Variants in FBLN1 observed in about 807,000 individuals in gnomAD.
The protein encoded by FBLN1 is fibulin-1.
Under a neutral mutation model 89.7 loss-of-function variants are expected in FBLN1, and 34 were observed. The ratio of observed to expected loss-of-function variants is 0.38; its 90% CI spans 0.29 to 0.50. The LOEUF (loss-of-function observed/expected upper bound fraction) is 0.50, where lower values mean the gene tolerates loss of function less well. FBLN1 is among the 20% of genes least tolerant of loss of function. The pLI, the probability that FBLN1 is intolerant of heterozygous loss-of-function variation, is 0.92. For synonymous variants in FBLN1, 393 were observed against 391.3 expected (o/e 1.00, Z -0.05); for missense variants, 777 against 988.1 (o/e 0.79, Z 2.86).
chr22:45,519,356 C>A (rs2283659), intron 2 of FBLN1, among the ~76,000 whole-genome samples: 20,211 of 152,044 alleles, frequency 0.13, 1,647 homozygotes, highest in East Asian at 0.43. Context: ...CGCGGTGGCT[C>A]ACGCCTGTAA....
chr22:45,587,089 G>A (rs1369824287), intron 16 of FBLN1, among the ~76,000 whole-genome samples: 1 of 152,130 alleles, frequency 6.6e-6, no homozygotes, highest in African/African-American at 2.4e-5. Flanking sequence ...TGAGGTTCAC[G>A]AGCACGTCAC....
rs140981949 is a variant in FBLN1, at chr22:45,533,814, A to C, written c.700A>C (p.Ile234Leu). The change falls in exon 7 of 17, where the codon ATC becomes CTC. Residue 234 changes from isoleucine to leucine, a missense_variant. Ile to Leu is a conservative substitution (Grantham distance 5, BLOSUM62 2). Coordinates refer to ENST00000327858, the MANE Select transcript of FBLN1 (RefSeq NM_006486.3). ...CAGCTGCCGGCTTGGAGAATCCTGC[A>C]TCAACACAGTGGGCTCTTTCCGCTG... ...SHSCRLGESC[I>L]NTVGSFRCQR... 40 of 1,613,956 alleles carry C rather than the reference A, an allele frequency of 2.5e-5. No homozygotes were observed. In the African/African-American group the frequency reaches 4.8e-4, roughly 19 times the overall value.
chr22:45,518,347 T>C (rs2088199010), intron 1 of FBLN1, among the ~76,000 whole-genome samples: 1 of 152,026 alleles, frequency 6.6e-6, no homozygotes. Flanking sequence ...GCAGGGACCC[T>C]GTCTGGACAG....
rs774159876 is a variant in FBLN1 at position 45,547,061 on chromosome 22, G to A, written c.1322-24G>A. Reference sequence around the variant, plus strand: ...GGCAGGGACGTATGATGCTCTGAGCGGTGACCCTCGTTTTGTATTTCAGAC... The same window carrying A: ...GGCAGGGACGTATGATGCTCTGAGCAGTGACCCTCGTTTTGTATTTCAGAC... On this transcript the variant is annotated intron_variant, in intron 11 of 16. Coordinates refer to ENST00000327858, the MANE Select transcript of FBLN1 (RefSeq NM_006486.3). 1.2e-4 allele frequency: 192 copies of A among 1,613,724 alleles called. 3 individuals are homozygous for A. The Middle Eastern group carries it at 7.4e-3, about 62-fold the overall frequency.
In FBLN1 at chr22:45,574,821, G is replaced by A. The variant is rs532569731; in HGVS notation, c.1840+168G>A. ...TTTTGAGACGGAGTCTCGCTCTGTC[G>A]CCCGGGCTGGAGTGCAGTGGTGCCA... On this transcript the variant is annotated intron_variant, in intron 15 of 16. Transcript: ENST00000327858. This position sits in a 1 kb window ranked among gnomAD's most constrained non-coding sequence, Gnocchi z 4.1. Among the ~76,000 whole-genome samples the A allele has an allele frequency of 2.9e-5, 4 of 137,522 alleles. No individual in the cohort carries two copies. The highest frequency in any genetic ancestry group is 2.1e-4 in the East Asian group (1 of 4,708). The allele number at this position is 137,522 out of a possible 152,430, so 90.2% of individuals were successfully genotyped here. A position where few individuals can be genotyped will look rare whatever the true frequency, so the allele number is the denominator to read the frequency against.
chr22:45,555,705 C>A (rs2088779726), intron 14 of FBLN1, among the ~76,000 whole-genome samples: 1 of 152,082 alleles, frequency 6.6e-6, no homozygotes, highest in South Asian at 2.1e-4. Flanking sequence ...CAGTATTAAC[C>A]ATCACAAGTC....
Position 45,541,260 on chromosome 22 carries a change from G to A in FBLN1, c.954G>A (p.Pro318=), listed in dbSNP as rs913843152. The A allele has an allele frequency of 1.3e-5, 21 of 1,614,068 alleles. No individual in the cohort carries two copies. Among genetic ancestry groups the A allele is most frequent in the Middle Eastern group, 1.6e-4 (1 of 6,084 alleles). ...DINECLSISA[P]CPIGHTCINT... ...ATGAGTGTTTGAGTATCAGTGCCCC[G>A]TGCCCTATCGGGCATACATGCATCA... Residue 318 remains proline (P), a synonymous_variant, in exon 9 of 17, where the codon CCG becomes CCA. Transcript: ENST00000327858.
At position 45,541,221 on chromosome 22, in the gene FBLN1, C is replaced by T. The variant is rs757298271; in HGVS notation, c.923-8C>T. 41 of 1,614,068 alleles carry T rather than the reference C, an allele frequency of 2.5e-5. No homozygotes were observed. The highest frequency in any genetic ancestry group is 1.1e-4 in the East Asian group (5 of 44,890). On this transcript the variant is annotated splice_region_variant and splice_polypyrimidine_tract_variant and intron_variant, in intron 8 of 16. Transcript: ENST00000327858. The stretch of plus-strand genomic sequence containing the variant: ...TAACCACATGGTCTCTGTCTTTTCC[C>T]GCTGTAGATATCAATGAGTGTTTGA...
intron 16 of FBLN1, among the ~76,000 whole-genome samples, chr22:45,584,382 G>A (rs1004527828): frequency 2.0e-5 from 3 of 152,116 alleles, no homozygotes; most frequent in Non-Finnish European, 4.4e-5. Context: ...TCCATCTGTG[G>A]GTGTATAAGG....
chr22:45,519,768 C>T (rs183591329), intron 2 of FBLN1, among the ~76,000 whole-genome samples: 274 of 152,288 alleles, frequency 1.8e-3, no homozygotes, highest in Non-Finnish European at 3.1e-3. Flanking sequence ...AGTCTGGCCC[C>T]GGGAAGGACA....
rs8142898 is a variant in FBLN1, at chr22:45,590,753, G to C, written c.1973-9554G>C. On this transcript the variant is annotated intron_variant, in intron 16 of 16. Coordinates refer to ENST00000327858, the MANE Select transcript of FBLN1 (RefSeq NM_006486.3). The surrounding 1 kb of genome is among the most constrained non-coding windows in gnomAD (Gnocchi z 4.1). The stretch of plus-strand genomic sequence containing the variant: ...TTAACCTGAGGGATGGGAGTAAGGG[G>C]CCTATCGAGGGCGACTCCAAGTTCC... Among the ~76,000 whole-genome samples the C allele has an allele frequency of 0.33, 49,725 of 151,850 alleles. 12,990 individuals are homozygous for C. The highest frequency in any genetic ancestry group is 0.73 in the African/African-American group (30,095 of 41,278).
chr22:45,574,609 C>T lies in FBLN1; in HGVS notation c.1796C>T (p.Thr599Ile), dbSNP rs777089260. 6.2e-6 allele frequency: 10 copies of T among 1,614,166 alleles called. No individual in the cohort carries two copies. In the South Asian group the frequency reaches 1.1e-4, roughly 18 times the overall value. ...GACCCCGTGCACACCATCTCCCACA[C>T]CGTCATCTCGCTGCCTACCTTCCGC... is the stretch of plus-strand genomic sequence containing the variant. Reference protein sequence around the residue: ...VFDPVHTISHTVISLPTFREF... With the variant: ...VFDPVHTISHIVISLPTFREF... The change falls in exon 15 of 17, where the codon ACC (threonine) becomes ATC (isoleucine). Residue 599 changes from threonine to isoleucine, a missense_variant. Coordinates refer to ENST00000327858, the MANE Select transcript of FBLN1 (RefSeq NM_006486.3). The surrounding 1 kb of genome is among the most constrained non-coding windows in gnomAD (Gnocchi z 4.1).
rs1015283444 is a variant in FBLN1, at chr22:45,536,821, G to T, written c.922+1484G>T. 3.9e-5 allele frequency among the ~76,000 whole-genome samples: 6 copies of T among 152,016 alleles called. No individual in the cohort carries two copies. The highest frequency in any genetic ancestry group is 1.4e-4 in the African/African-American group (6 of 41,390). ...TCAGAGAAATACTAATATGAAAAGA[G>T]AGAATCCCATGTGAACTTAGTATGA... On this transcript the variant is annotated intron_variant, in intron 8 of 16. Coordinates refer to ENST00000327858, the MANE Select transcript of FBLN1 (RefSeq NM_006486.3). The surrounding 1 kb of genome is among the most constrained non-coding windows in gnomAD (Gnocchi z 5.1).
At chr22:45,582,856 C>T (rs996684094) in intron 16 of FBLN1, among the ~76,000 whole-genome samples, 1 of 152,170 alleles carries the variant, frequency 6.6e-6, no homozygotes, top group Non-Finnish European at 1.5e-5. Context: ...AGGGTTTGAT[C>T]TCTGAGATGT....
intron 2 of FBLN1, among the ~76,000 whole-genome samples, chr22:45,519,190 C>T (rs2088213648): frequency 6.6e-6 from 1 of 152,192 alleles, no homozygotes; most frequent in African/African-American, 2.4e-5. Flanking sequence ...TGCCAATGAG[C>T]CGGCGCAGAG....
In FBLN1 at chr22:45,574,137, G is replaced by A. The variant is rs983509353; in HGVS notation, c.1698-374G>A. Reference sequence around the variant, plus strand: ...CCATGTGTCCCTTGTTCACTTTGCTGTCCCTAGCAGCCGGCGCCTGGCACT... The same window carrying A: ...CCATGTGTCCCTTGTTCACTTTGCTATCCCTAGCAGCCGGCGCCTGGCACT... On this transcript the variant is annotated intron_variant, in intron 14 of 16. Transcript: ENST00000327858. This position sits in a 1 kb window ranked among gnomAD's most constrained non-coding sequence, Gnocchi z 4.1. 5.3e-5 allele frequency among the ~76,000 whole-genome samples: 8 copies of A among 152,218 alleles called. No individual in the cohort carries two copies. Among genetic ancestry groups the A allele is most frequent in the Non-Finnish European group, 1.0e-4 (7 of 68,032 alleles).
chr22:45,564,376 C>A (rs1035954532), intron 14 of FBLN1, among the ~76,000 whole-genome samples: 2 of 152,246 alleles, frequency 1.3e-5, no homozygotes, highest in Admixed American at 6.5e-5. Flanking sequence ...GCCTCCAGAT[C>A]CTCAAGATGT....
intron 7 of FBLN1, among the ~76,000 whole-genome samples, chr22:45,534,484 G>A (rs893658153): frequency 6.6e-6 from 1 of 152,162 alleles, no homozygotes; most frequent in African/African-American, 2.4e-5. Context: ...TGGCAGATGG[G>A]GAGGCTCTGA....
intron 2 of FBLN1, 37 bp from the exon 3 acceptor site, chr22:45,525,506 G>T (rs776464992): frequency 1.3e-6 from 2 of 1,547,910 alleles, no homozygotes; most frequent in Non-Finnish European, 8.7e-7. Flanking sequence ...GGCCCCCTGC[G>T]CACAGAGCCT....
Sources: allele counts gnomAD v4.1 joint callset (sites outside exome capture counted in the v4.1 genomes callset), GRCh38; gene constraint gnomAD v4.1.1; non-coding constraint Gnocchi (gnomAD v3.1); transcripts MANE v1.5; gene names NCBI Gene and HGNC (gene_info 2026-07-23, HGNC 2026-07-21).